Variants in PPM1H observed in about 807,000 individuals in gnomAD.
PPM1H encodes protein phosphatase 1H.
Under a neutral mutation model 54.9 loss-of-function variants are expected in PPM1H, and 27 were observed. The ratio of observed to expected loss-of-function variants is 0.49; its 90% CI spans 0.36 to 0.68. The LOEUF is 0.68. Ranked by LOEUF, PPM1H falls within the 30% of genes least tolerant of loss-of-function variation. The probability of loss-of-function intolerance (pLI) is 0.00; values close to 1 mark genes in which losing one functional copy is unlikely to be tolerated. For synonymous variants in PPM1H, 305 were observed against 270.8 expected, an observed-to-expected ratio of 1.13 and a Z score of -1.24; for missense variants, 596 against 667.8, an observed-to-expected ratio of 0.89 and a Z score of 1.19.
rs139399439 is a variant in PPM1H at position 62,911,894 on chromosome 12, C to G, written c.245+22598G>C. ...CTCACACATGTGTACTCCAATGACA[C>G]CCCTTATCGCCTGATCCTTAGGTTG... On this transcript the variant is annotated intron_variant, in intron 1 of 9. Transcript: ENST00000228705. Among the ~76,000 whole-genome samples, 66 of 152,336 alleles carry G rather than the reference C, an allele frequency of 4.3e-4. No individual in the cohort carries two copies. In the East Asian group the frequency reaches 0.012, roughly 28 times the overall value.
intron 4 of PPM1H, among the ~76,000 whole-genome samples, chr12:62,770,161 TG>T (rs1280000510): frequency 6.6e-6 from 1 of 152,024 alleles, no homozygotes; most frequent in Non-Finnish European, 1.5e-5. Flanking sequence ...ATATTACTAA[TG>T]ATAATTATTA....
intron 1 of PPM1H, among the ~76,000 whole-genome samples, chr12:62,847,129 TGAAA>T (rs1024231759): frequency 2.0e-5 from 3 of 150,500 alleles, no homozygotes; most frequent in Admixed American, 6.6e-5. Flanking sequence ...CTGTGAAAAA[TGAAA>T]GAAAGAAAAA....
rs1872263213 is a variant in PPM1H at position 62,934,628 on chromosome 12, G to A, written c.109C>T (p.Leu37=). Residue 37 remains leucine, a synonymous_variant, in exon 1 of 10, where the codon CTG becomes TTG. Coordinates refer to ENST00000228705, the MANE Select transcript of PPM1H (RefSeq NM_020700.2). This position sits in a 1 kb window ranked among gnomAD's most constrained non-coding sequence, Gnocchi z 4.2. The part of the protein sequence containing the change: ...GGSCGGSDLP[L]RFPYGRPEFL... ...TCTGGCCGCCCGTAGGGGAAACGCAGGGGCAGGTCCGAGCCTCCGCAGCTG... is the reference window on the plus strand; with the variant it reads ...TCTGGCCGCCCGTAGGGGAAACGCAAGGGCAGGTCCGAGCCTCCGCAGCTG... 1 of 1,591,950 alleles carries A rather than the reference G, an allele frequency of 6.3e-7. No homozygotes were observed. The highest frequency in any genetic ancestry group is 8.5e-7 in the Non-Finnish European group (1 of 1,170,682).
At chr12:62,775,534 T>C in intron 4 of PPM1H, among the ~76,000 whole-genome samples, 1 of 152,268 alleles carries the variant, frequency 6.6e-6, no homozygotes, top group Non-Finnish European at 1.5e-5. Context: ...TCCAACTGTT[T>C]ATGAATTTAC....
chr12:62,820,135 A>G (rs74395314), intron 2 of PPM1H, among the ~76,000 whole-genome samples: 14,156 of 152,322 alleles, frequency 0.093, 731 homozygotes, highest in Middle Eastern at 0.13. Context: ...CACACCTAAG[A>G]AGCCTTGCTC....
chr12:62,918,588 A>G (rs568099659), intron 1 of PPM1H, among the ~76,000 whole-genome samples: 1 of 152,220 alleles, frequency 6.6e-6, no homozygotes, highest in Admixed American at 6.5e-5. Context: ...AAATATTAGG[A>G]AAGTCCATTT....
intron 1 of PPM1H, among the ~76,000 whole-genome samples, chr12:62,914,485 G>T (rs1020649257): frequency 6.6e-6 from 1 of 152,222 alleles, no homozygotes; most frequent in Non-Finnish European, 1.5e-5. Flanking sequence ...GGGTGATGCA[G>T]CCTGGAAAAG....
intron 9 of PPM1H, among the ~76,000 whole-genome samples, chr12:62,654,662 G>A (rs1488408046): frequency 6.6e-6 from 1 of 152,136 alleles, no homozygotes; most frequent in Non-Finnish European, 1.5e-5. Flanking sequence ...TTGTCCCTGG[G>A]CTGAATTCTT....
At chr12:62,817,483 C>CA (rs1246465210) in intron 2 of PPM1H, among the ~76,000 whole-genome samples, 2,368 of 142,430 alleles carry the variant, frequency 0.017, 61 homozygotes, top group African/African-American at 0.055. Context: ...AACAAACAAA[C>CA]AAAAAAAAAA....
At chr12:62,822,304 A>G (rs145534068) in intron 2 of PPM1H, among the ~76,000 whole-genome samples, 13,368 of 152,162 alleles carry the variant, frequency 0.088, 648 homozygotes, top group Middle Eastern at 0.13. Context: ...CACAATAATA[A>G]TGGGAGACTT....
In PPM1H at chr12:62,789,018, G is replaced by T. The variant is rs999634550; in HGVS notation, c.757-680C>A. ...TGGGATTACAGGCATGAGCCACTGC[G>T]CCCAGCCTTGTCTTTTTAGAGAAGG... On this transcript the variant is annotated intron_variant, in intron 3 of 9. Coordinates refer to ENST00000228705, the MANE Select transcript of PPM1H (RefSeq NM_020700.2). Among the ~76,000 whole-genome samples the T allele has an allele frequency of 3.3e-5, 5 of 150,334 alleles. No individual in the cohort carries two copies. In the East Asian group the frequency reaches 1.0e-3, roughly 30 times the overall value.
At chr12:62,932,260 C>T (rs1373381963) in intron 1 of PPM1H, among the ~76,000 whole-genome samples, 1 of 152,002 alleles carries the variant, frequency 6.6e-6, no homozygotes, top group African/African-American at 2.4e-5. Context: ...GAAATGGAGG[C>T]CCAGAGAGGA....
At chr12:62,806,563 A>T (rs1485498675) in intron 2 of PPM1H, among the ~76,000 whole-genome samples, 1 of 152,170 alleles carries the variant, frequency 6.6e-6, no homozygotes, top group African/African-American at 2.4e-5. Flanking sequence ...TGACTGCATC[A>T]TGGGGGTGGA....
Position 62,757,840 on chromosome 12 carries a change from G to A in PPM1H, c.870-20254C>T, listed in dbSNP as rs78561545. ...CACTCCACAGAACAAGAGGCTCTTAGAACACAATTATTATCTTATTCCCAT... is the reference window on the plus strand; with the variant it reads ...CACTCCACAGAACAAGAGGCTCTTAAAACACAATTATTATCTTATTCCCAT... On this transcript the variant is annotated intron_variant, in intron 4 of 9. Transcript: ENST00000228705. 2.2e-4 allele frequency among the ~76,000 whole-genome samples: 33 copies of A among 152,298 alleles called. No homozygotes were observed. The East Asian group carries it at 6.4e-3, about 29-fold the overall frequency.
intron 1 of PPM1H, among the ~76,000 whole-genome samples, chr12:62,834,354 C>T (rs2120868060): frequency 6.6e-6 from 1 of 152,292 alleles, no homozygotes; most frequent in East Asian, 1.9e-4. Context: ...CACAATGAGG[C>T]TACCTGCATG....
intron 1 of PPM1H, among the ~76,000 whole-genome samples, chr12:62,927,651 A>C (rs1872013333): frequency 1.3e-5 from 2 of 151,440 alleles, no homozygotes; most frequent in Non-Finnish European, 2.9e-5. Context: ...AACAAGAGCG[A>C]AACTCCGTCT....
chr12:62,674,855 G>T (rs2075977026), intron 8 of PPM1H, among the ~76,000 whole-genome samples: 1 of 152,192 alleles, frequency 6.6e-6, no homozygotes, highest in South Asian at 2.1e-4. Context: ...TGTGGTACTG[G>T]ATGTCCCCTG....
intron 1 of PPM1H, among the ~76,000 whole-genome samples, chr12:62,866,616 G>A (rs1869785264): frequency 6.6e-6 from 1 of 152,102 alleles, no homozygotes; most frequent in South Asian, 2.1e-4. Flanking sequence ...AGCCATTTCA[G>A]ATAGGATCCT....
intron 2 of PPM1H, among the ~76,000 whole-genome samples, chr12:62,828,183 CT>C (rs1250679732): frequency 6.6e-6 from 1 of 152,176 alleles, no homozygotes; most frequent in East Asian, 1.9e-4. Flanking sequence ...TCACTGGCCT[CT>C]TTTAACCAGT....
Sources: allele counts gnomAD v4.1 joint callset (sites outside exome capture counted in the v4.1 genomes callset), GRCh38; gene constraint gnomAD v4.1.1; non-coding constraint Gnocchi (gnomAD v3.1); transcripts MANE v1.5; gene names NCBI Gene and HGNC (gene_info 2026-07-23, HGNC 2026-07-21).